SCAI: variants seen among roughly 807,000 people sequenced by gnomAD.
The protein encoded by SCAI is suppressor of cancer cell invasion.
In SCAI, 24 loss-of-function variants were observed where a neutral mutation model predicts 92.2. That is an observed-to-expected ratio of 0.26 (90% CI 0.19 to 0.37). The LOEUF is 0.37. Among genes scored for constraint, SCAI ranks in the 10% least tolerant of loss-of-function variants. SCAI has a pLI of 1.00. For synonymous variants in SCAI, 261 were observed against 258.6 expected (o/e 1.01, Z -0.09); for missense variants, 450 against 736.2 (o/e 0.61, Z 4.50).
chr9:125,127,428 G>A (rs6478698), intron 2 of SCAI, among the ~76,000 whole-genome samples: 68,680 of 147,832 alleles, frequency 0.46, 16,385 homozygotes, highest in East Asian at 0.61. Context: ...TTTTTGAGAC[G>A]GGTTCTCATT....
intron 14 of SCAI, among the ~76,000 whole-genome samples, chr9:124,988,371 CAG>C (rs1031888985): frequency 6.6e-6 from 1 of 151,762 alleles, no homozygotes; most frequent in Non-Finnish European, 1.5e-5. Context: ...ATGAGAAAGA[CAG>C]AGGCAAAAAC....
intron 17 of SCAI, chr9:124,968,237 A>T: frequency 9.8e-7 from 1 of 1,017,560 alleles, no homozygotes; most frequent in Non-Finnish European, 1.5e-6. Context: ...TCAGCTGCAT[A>T]ATGAAGCTGG....
At chr9:125,105,379 G>A (rs1834755166) in intron 2 of SCAI, among the ~76,000 whole-genome samples, 1 of 152,194 alleles carries the variant, frequency 6.6e-6, no homozygotes, top group Non-Finnish European at 1.5e-5. Context: ...AGCTAAGTCT[G>A]CTCCTATTCC....
chr9:125,137,116 C>A (rs1479307684), intron 2 of SCAI, among the ~76,000 whole-genome samples: 1 of 152,108 alleles, frequency 6.6e-6, no homozygotes, highest in African/African-American at 2.4e-5. Context: ...TATAATTCAT[C>A]TTTGGGGTCT....
chr9:124,963,929 CAG>C (rs1413806109), intron 17 of SCAI, among the ~76,000 whole-genome samples: 1 of 151,388 alleles, frequency 6.6e-6, no homozygotes, highest in Non-Finnish European at 1.5e-5. Context: ...TCAGGGGTGG[CAG>C]AGAGAGGAGA....
intron 17 of SCAI, among the ~76,000 whole-genome samples, chr9:124,953,564 T>G (rs1387909351): frequency 6.6e-6 from 1 of 152,126 alleles, no homozygotes; most frequent in Non-Finnish European, 1.5e-5. Flanking sequence ...AGGCGGAGGT[T>G]GCAGTGAGTT....
rs1057456803 is a variant in SCAI, at chr9:124,951,957, G to C, written c.*850C>G. On this transcript the variant is annotated 3_prime_UTR_variant, in exon 18 of 18. Transcript: ENST00000336505. Reference sequence around the variant, plus strand: ...TTTGAAGTCTCATAAATTTGAATGAGGCAAAAAATTAAAACTTTATGTCAC... The same window carrying C: ...TTTGAAGTCTCATAAATTTGAATGACGCAAAAAATTAAAACTTTATGTCAC... The C allele has an allele frequency of 6.6e-6, 1 of 152,054 alleles. No homozygotes were observed. The highest frequency in any genetic ancestry group is 2.4e-5 in the African/African-American group (1 of 41,398). 9.4% of individuals were successfully genotyped at this position (152,054 alleles called of 1,614,324 possible). A position where few individuals can be genotyped will look rare whatever the true frequency, so the allele number is the denominator to read the frequency against.
At chr9:124,965,304 G>T (rs1277891711) in intron 17 of SCAI, among the ~76,000 whole-genome samples, 1 of 152,158 alleles carries the variant, frequency 6.6e-6, no homozygotes, top group African/African-American at 2.4e-5. Flanking sequence ...TGTGATCTCA[G>T]CTCACTGCAA....
intron 15 of SCAI, among the ~76,000 whole-genome samples, chr9:124,975,646 A>G (rs1831740069): frequency 6.6e-6 from 1 of 152,232 alleles, no homozygotes; most frequent in African/African-American, 2.4e-5. Context: ...AAAAATGTGA[A>G]TAAAAGAAAC....
chr9:124,969,519 G>A (rs1356822280), intron 17 of SCAI, among the ~76,000 whole-genome samples: 1 of 152,092 alleles, frequency 6.6e-6, no homozygotes, highest in Non-Finnish European at 1.5e-5. Flanking sequence ...GAGAAAAACA[G>A]AACACATATG....
At chr9:125,006,648 C>G (rs192311937) in intron 9 of SCAI, among the ~76,000 whole-genome samples, 8 of 152,114 alleles carry the variant, frequency 5.3e-5, no homozygotes, top group Non-Finnish European at 7.4e-5. Flanking sequence ...CACGCCACCA[C>G]GCCCGGCTAA....
intron 9 of SCAI, among the ~76,000 whole-genome samples, chr9:125,016,003 G>A (rs1185128096): frequency 7.5e-6 from 1 of 133,520 alleles, no homozygotes; most frequent in Non-Finnish European, 1.6e-5. Flanking sequence ...ACACAGGAAG[G>A]GGAACATCAC....
chr9:125,037,139 G>C lies in SCAI; in HGVS notation c.231-7400C>G, dbSNP rs565395052. On this transcript the variant is annotated intron_variant, in intron 3 of 17. Transcript: ENST00000336505. ...CAAAAATTAGCCAGAAGTGGTGGCAGGCGCCCATAATCCCAGCTACTTGGG... is the reference window on the plus strand; with the variant it reads ...CAAAAATTAGCCAGAAGTGGTGGCACGCGCCCATAATCCCAGCTACTTGGG... Among the ~76,000 whole-genome samples, 5 of 152,076 alleles carry C rather than the reference G, an allele frequency of 3.3e-5. No homozygotes were observed. The South Asian group carries it at 1.0e-3, about 32-fold the overall frequency.
intron 14 of SCAI, among the ~76,000 whole-genome samples, chr9:124,982,985 T>C (rs1355702335): frequency 2.0e-5 from 3 of 152,040 alleles, no homozygotes; most frequent in Non-Finnish European, 4.4e-5. Flanking sequence ...AGACCCTATC[T>C]CTACACAAAA....
At chr9:125,099,907 T>C (rs968656131) in intron 2 of SCAI, among the ~76,000 whole-genome samples, 4 of 152,258 alleles carry the variant, frequency 2.6e-5, no homozygotes, top group Non-Finnish European at 5.9e-5. Context: ...ATTGTATGGA[T>C]ATAACACATT....
At chr9:125,016,526 C>T (rs985379379) in intron 9 of SCAI, among the ~76,000 whole-genome samples, 1 of 151,992 alleles carries the variant, frequency 6.6e-6, no homozygotes, top group Admixed American at 6.6e-5. Context: ...ATTTCATTTA[C>T]TACAATATAT....
chr9:125,026,067 G>T (rs1376734679), intron 6 of SCAI, among the ~76,000 whole-genome samples: 2 of 152,046 alleles, frequency 1.3e-5, no homozygotes, highest in Non-Finnish European at 2.9e-5. Context: ...TACTCATCTG[G>T]AAGTAATCAA....
intron 11 of SCAI, among the ~76,000 whole-genome samples, chr9:125,002,306 G>A (rs1433996247): frequency 6.6e-6 from 1 of 152,074 alleles, no homozygotes; most frequent in African/African-American, 2.4e-5. Context: ...CCGAAAACTT[G>A]AATGGAGAAG....
intron 2 of SCAI, among the ~76,000 whole-genome samples, chr9:125,099,898 T>C (rs1475585573): frequency 3.9e-5 from 6 of 152,228 alleles, no homozygotes; most frequent in Admixed American, 6.5e-5. Context: ...TAATATCCCA[T>C]TGTATGGATA....
Sources: gnomAD v4.1 joint callset for allele counts (sites outside exome capture counted in the v4.1 genomes callset) on GRCh38, gnomAD v4.1.1 for gene constraint, MANE v1.5 for transcripts, NCBI Gene and HGNC (gene_info 2026-07-23, HGNC 2026-07-21) for gene names.